Variants in SLC6A16 observed in about 807,000 individuals in gnomAD.
The protein encoded by SLC6A16 is solute carrier family 6 member 16.
SLC6A16 carries 54 observed loss-of-function variants against 65.4 expected under a neutral mutation model. The ratio of observed to expected loss-of-function variants is 0.83; its 90% confidence interval spans 0.66 to 1.04. SLC6A16 has a LOEUF of 1.04. Ranked by LOEUF, SLC6A16 falls within the 50% of genes least tolerant of loss-of-function variation. The pLI, the probability that SLC6A16 is intolerant of heterozygous loss-of-function variation, is 0.00. For missense variants in SLC6A16, 816 were observed against 914.0 expected, an observed-to-expected ratio of 0.89 and a Z score of 1.38; for synonymous variants, 330 against 346.5, an observed-to-expected ratio of 0.95 and a Z score of 0.53.
rs1970061463 is a variant in SLC6A16, at chr19:49,290,704, C to A, written c.1842G>T (p.Trp614Cys). Residue 614 changes from tryptophan to cysteine, a missense_variant, in exon 11 of 12, where the codon TGG becomes TGT. By Grantham distance (215) the Trp-to-Cys change is radical. Transcript: ENST00000335875. ...GCAGCACAACTGGACACAGATGGGG[C>A]CACAGCCAACCAAAGATGGGAGAGA... The part of the protein sequence containing the change: ...HPISPIFGWL[W>C]PHLCPVVLLI... 1 of 1,613,504 alleles carries A rather than the reference C, an allele frequency of 6.2e-7. No homozygotes were observed. The highest frequency in any genetic ancestry group is 1.7e-5 in the Admixed American group (1 of 59,900).
At chr19:49,310,277 A>T (rs1970490060) in intron 3 of SLC6A16, 76 bp downstream of exon 3, 1 of 1,603,448 alleles carries the variant, frequency 6.2e-7, no homozygotes, top group Non-Finnish European at 8.5e-7. Context: ...AGGTATTCAC[A>T]GGGCGCATTT....
At chr19:49,305,367 G>A (rs1970364278) in intron 7 of SLC6A16, among the ~76,000 whole-genome samples, 1 of 152,134 alleles carries the variant, frequency 6.6e-6, no homozygotes, top group Admixed American at 6.5e-5. Context: ...CAAGGTGGGT[G>A]GATCACTTGA....
chr19:49,309,753 G>T lies in SLC6A16; in HGVS notation c.774C>A (p.Ile258=). 2 of 1,614,044 alleles carry T rather than the reference G, an allele frequency of 1.2e-6. No homozygotes were observed. Among genetic ancestry groups the T allele is most frequent in the Non-Finnish European group, 1.7e-6 (2 of 1,179,952 alleles). The change falls in exon 5 of 12, where the codon ATC becomes ATA. Residue 258 remains isoleucine, a synonymous_variant. Transcript: ENST00000335875. Reference sequence around the variant, plus strand: ...TGTAGACTGGTGACCCGCCATCCTCGATTCTGTCTGAGGCCTTCAAGGCCT... The same window carrying T: ...TGTAGACTGGTGACCCGCCATCCTCTATTCTGTCTGAGGCCTTCAAGGCCT... ...YQQALKASDR[I]EDGGSPVYSL...
chr19:49,333,689 A>C, the SLC6A16 span, among the ~76,000 whole-genome samples: 4 of 152,164 alleles, frequency 2.6e-5, no homozygotes, highest in Middle Eastern at 3.4e-3. Context: ...CAGGACAGAG[A>C]AGAGGGGTGG....
rs1329124860 is a variant in SLC6A16, at chr19:49,310,398, C to T, written c.528G>A (p.Lys176=). 3.1e-6 allele frequency: 5 copies of T among 1,614,134 alleles called. No homozygotes were observed. Among genetic ancestry groups the T allele is most frequent in the Middle Eastern group, 1.6e-4 (1 of 6,062 alleles). ...CACCACCAATCCAGGGGGCAATGATCTTCCATACACCCATGCCACCCTGAC... is the reference window on the plus strand; with the variant it reads ...CACCACCAATCCAGGGGGCAATGATTTTCCATACACCCATGCCACCCTGAC... ...SMRQGGMGVW[K]IIAPWIGGVG... is the part of the protein sequence containing the mutation. Residue 176 remains lysine, a synonymous_variant, in exon 3 of 12, where the codon AAG becomes AAA. Coordinates refer to ENST00000335875, the MANE Select transcript of SLC6A16 (RefSeq NM_014037.3).
At chr19:49,301,662 T>C (rs1485854087) in intron 7 of SLC6A16, among the ~76,000 whole-genome samples, 6 of 152,154 alleles carry the variant, frequency 3.9e-5, no homozygotes, top group Admixed American at 1.3e-4. Flanking sequence ...AAAAGCCCTG[T>C]AGTTTTTTCC....
chr19:49,318,427 T>C (rs1388985205), intron 1 of SLC6A16, among the ~76,000 whole-genome samples: 1 of 152,054 alleles, frequency 6.6e-6, no homozygotes, highest in Non-Finnish European at 1.5e-5. Context: ...TAACTGCCTG[T>C]CACAACAAAG....
At position 49,292,750 on chromosome 19, in the gene SLC6A16, C is replaced by T. The variant is rs1326751420; in HGVS notation, c.1778+473G>A. ...CTGCAGGGAGCACTTTACTCAAAAT[C>T]TTGTCATGACTCCCTCCCTCCTATC... On this transcript the variant is annotated intron_variant, in intron 10 of 11. Coordinates refer to ENST00000335875, the MANE Select transcript of SLC6A16 (RefSeq NM_014037.3). This position sits in a 1 kb window ranked among gnomAD's most constrained non-coding sequence, Gnocchi z 4.3. 6.6e-6 allele frequency among the ~76,000 whole-genome samples: 1 copy of T among 152,154 alleles called. No individual in the cohort carries two copies. Among genetic ancestry groups the T allele is most frequent in the African/African-American group, 2.4e-5 (1 of 41,440 alleles).
At chr19:49,325,532 C>A (rs1970786023), upstream of SLC6A16, among the ~76,000 whole-genome samples, 1 of 152,194 alleles carries the variant, frequency 6.6e-6, no homozygotes, top group South Asian at 2.1e-4. Context: ...AAACCTTTCG[C>A]ATTTACTTAA....
upstream of SLC6A16, among the ~76,000 whole-genome samples, chr19:49,326,596 T>C (rs1970800129): frequency 6.6e-6 from 1 of 152,220 alleles, no homozygotes; most frequent in South Asian, 2.1e-4. Context: ...GAGAGTCTAC[T>C]AAATGCTAGG....
chr19:49,296,512 C>T (rs117339514), intron 7 of SLC6A16, among the ~76,000 whole-genome samples: 3,940 of 152,010 alleles, frequency 0.026, 79 homozygotes, highest in South Asian at 0.076. Context: ...TAATTGTCAA[C>T]GAAGATACCA....
At chr19:49,304,392 G>A (rs1434869017) in intron 7 of SLC6A16, among the ~76,000 whole-genome samples, 4 of 152,204 alleles carry the variant, frequency 2.6e-5, no homozygotes, top group Admixed American at 1.3e-4. Context: ...TTGGACTGGT[G>A]TCACCCTTGT....
At chr19:49,315,392 G>A (rs1489945802) in intron 1 of SLC6A16, among the ~76,000 whole-genome samples, 1 of 152,176 alleles carries the variant, frequency 6.6e-6, no homozygotes, top group East Asian at 1.9e-4. Flanking sequence ...AGTTATTGGT[G>A]GGTTGATGGG....
Position 49,309,175 on chromosome 19 carries a change from T to C in SLC6A16, c.988-58A>G, listed in dbSNP as rs994000227. ...TAAAAGAAGAAGCAGAGGACAACTA[T>C]AATAGAAATGTTGCAGGGAGGAGAG... is the stretch of plus-strand genomic sequence containing the variant. On this transcript the variant is annotated intron_variant, in intron 6 of 11. Transcript: ENST00000335875. 5.6e-6 allele frequency: 9 copies of C among 1,604,440 alleles called. No homozygotes were observed. The Admixed American group carries it at 1.2e-4, about 21-fold the overall frequency.
chr19:49,330,343 G>A, the SLC6A16 span, among the ~76,000 whole-genome samples: 2 of 152,114 alleles, frequency 1.3e-5, no homozygotes, highest in Admixed American at 6.6e-5. Context: ...CAGTTCAGGG[G>A]AAAGTTTGAG....
intron 7 of SLC6A16, among the ~76,000 whole-genome samples, chr19:49,295,684 T>C (rs1970171954): frequency 6.6e-6 from 1 of 152,218 alleles, no homozygotes; most frequent in Non-Finnish European, 1.5e-5. Context: ...CCAAAGATAC[T>C]TTGTCCCAAA....
intron 7 of SLC6A16, among the ~76,000 whole-genome samples, chr19:49,295,358 C>T (rs950854277): frequency 4.3e-5 from 6 of 140,942 alleles, no homozygotes; most frequent in South Asian, 2.4e-4. Context: ...CCAGCCTGGG[C>T]GACAGCGAGA....
chr19:49,324,203 C>T (rs353986), intron 1 of SLC6A16, among the ~76,000 whole-genome samples: 64,664 of 151,640 alleles, frequency 0.43, 14,899 homozygotes, highest in Admixed American at 0.55. Context: ...TGGTGGCGCA[C>T]GCCTATAGTC....
At chr19:49,336,898 A>C in the SLC6A16 span, 13 of 1,613,642 alleles carry the variant, frequency 8.1e-6, no homozygotes, top group Non-Finnish European at 1.1e-5. Context: ...CACTCCCCTC[A>C]CCTCTCCCAG....
Sources: allele counts gnomAD v4.1 joint callset (sites outside exome capture counted in the v4.1 genomes callset), GRCh38; gene constraint gnomAD v4.1.1; non-coding constraint Gnocchi (gnomAD v3.1); transcripts MANE v1.5; gene names NCBI Gene and HGNC (gene_info 2026-07-23, HGNC 2026-07-21).